Variants in TRPC5 observed in about 807,000 individuals in gnomAD.
TRPC5 encodes the protein short transient receptor potential channel 5.
TRPC5 carries 9 observed loss-of-function variants against 56.5 expected under a neutral mutation model. The observed-to-expected ratio is 0.16, with a 90% CI of 0.10 to 0.28. The LOEUF is 0.28. TRPC5 is among the 10% of genes least tolerant of loss of function. The pLI, the probability that TRPC5 is intolerant of heterozygous loss-of-function variation, is 1.00. For missense variants in TRPC5, 469 were observed against 748.9 expected (o/e 0.63, Z 4.36); for synonymous variants, 282 against 278.5 (o/e 1.01, Z -0.13).
chrX:111,832,854 T>C (rs1174620090), intron 7 of TRPC5, among the ~76,000 whole-genome samples: 1 of 111,102 alleles, frequency 9.0e-6, no homozygotes, highest in African/African-American at 3.3e-5. Context: ...TCGCCCTTCC[T>C]AGAAAATGTC....
chrX:111,870,987 G>A (rs1923738546), intron 3 of TRPC5, among the ~76,000 whole-genome samples: 1 of 111,919 alleles, frequency 8.9e-6, no homozygotes, highest in Admixed American at 9.5e-5. Context: ...CTTGGCTGGA[G>A]GGTTTAATGA....
chrX:111,866,608 G>T (rs1199865596), intron 3 of TRPC5, among the ~76,000 whole-genome samples: 5 of 112,604 alleles, frequency 4.4e-5, no homozygotes, highest in Non-Finnish European at 9.4e-5. Context: ...CAATGGAGGG[G>T]CCCAATGGCT....
intron 3 of TRPC5, among the ~76,000 whole-genome samples, chrX:111,871,469 A>T (rs1015699982): frequency 1.8e-5 from 2 of 111,032 alleles, no homozygotes; most frequent in Non-Finnish European, 3.8e-5. Context: ...CCCTGGCTGG[A>T]TTACCTTGGG....
chrX:111,953,323 T>A (rs1927142860), intron 1 of TRPC5, among the ~76,000 whole-genome samples: 1 of 112,392 alleles, frequency 8.9e-6, no homozygotes, highest in Non-Finnish European at 1.9e-5. Flanking sequence ...TTTAATAGAA[T>A]TAGTTTTAAA....
chrX:111,807,411 C>A (rs1435382113), intron 7 of TRPC5, among the ~76,000 whole-genome samples: 2 of 112,324 alleles, frequency 1.8e-5, no homozygotes, highest in East Asian at 5.6e-4. Flanking sequence ...CTTCCCGATT[C>A]TTTTAAATTA....
Position 111,912,409 on chromosome X carries a change from C to T in TRPC5, c.782G>A (p.Ser261Asn). ...FAKDLLDQARSSRELEIILNH... is the reference protein window; with the variant it reads ...FAKDLLDQARNSRELEIILNH... ...GAGGATGATCTCCAGTTCCCTGGAG[C>T]TCCGAGCTTGGTCCAGCAGGTCTTT... The change falls in exon 3 of 11, where the codon AGC (serine) becomes AAC (asparagine). Residue 261 changes from serine (S) to asparagine (N), a missense_variant. Transcript: ENST00000262839. 13 of 1,211,697 alleles carry T rather than the reference C, an allele frequency of 1.1e-5. No individual in the cohort carries two copies. Among genetic ancestry groups the T allele is most frequent in the Non-Finnish European group, 1.5e-5 (13 of 895,541 alleles).
chrX:111,843,548 C>A (rs1458453496), intron 6 of TRPC5, among the ~76,000 whole-genome samples: 1 of 111,345 alleles, frequency 9.0e-6, no homozygotes, highest in African/African-American at 3.3e-5. Flanking sequence ...GTCTGAAGGG[C>A]TGAGACACTT....
At chrX:111,866,994 A>T (rs1486484313) in intron 3 of TRPC5, among the ~76,000 whole-genome samples, 1 of 112,134 alleles carries the variant, frequency 8.9e-6, no homozygotes, top group Non-Finnish European at 1.9e-5. Flanking sequence ...GGAGAGGGTC[A>T]TCGCAAGAGA....
chrX:111,918,735 G>A (rs1603098189), intron 2 of TRPC5, among the ~76,000 whole-genome samples: 1 of 111,613 alleles, frequency 9.0e-6, no homozygotes, highest in South Asian at 3.8e-4. Context: ...AAAAGACAGA[G>A]TAGGCAAACT....
rs1928473045 is a variant in TRPC5 at position 111,994,786 on chromosome X, G to A, written c.-21-42345C>T. Among the ~76,000 whole-genome samples, 3 of 111,775 alleles carry A rather than the reference G, an allele frequency of 2.7e-5. No homozygotes were observed. The South Asian group carries it at 1.1e-3, about 42-fold the overall frequency. Reference sequence around the variant, plus strand: ...GAGACTTTGCTGAAGTTGCTTATCAGCTTAAGGAGATTTTGGGCTGAGACG... The same window carrying A: ...GAGACTTTGCTGAAGTTGCTTATCAACTTAAGGAGATTTTGGGCTGAGACG... On this transcript the variant is annotated intron_variant, in intron 1 of 10. Transcript: ENST00000262839.
rs150683683 is a variant in TRPC5, at chrX:112,040,096, C to T, written c.-22+41783G>A. On this transcript the variant is annotated intron_variant, in intron 1 of 10. Coordinates refer to ENST00000262839, the MANE Select transcript of TRPC5 (RefSeq NM_012471.3). The stretch of plus-strand genomic sequence containing the variant: ...TGGGCAGAATCTTCTTGTACTCTTA[C>T]ATCTAACAGATGCTCTATTTAAGTA... Among the ~76,000 whole-genome samples, 729 of 112,263 alleles carry T rather than the reference C, an allele frequency of 6.5e-3. 4 individuals are homozygous for T. The highest frequency in any genetic ancestry group is 0.023 in the African/African-American group (702 of 30,953).
chrX:111,886,876 C>T (rs1431940179), intron 3 of TRPC5, among the ~76,000 whole-genome samples: 1 of 112,772 alleles, frequency 8.9e-6, no homozygotes, highest in Admixed American at 9.4e-5. Flanking sequence ...CTATGTTATC[C>T]TGAGGACAAA....
intron 1 of TRPC5, among the ~76,000 whole-genome samples, chrX:111,967,889 A>T (rs1392158870): frequency 9.0e-6 from 1 of 111,602 alleles, no homozygotes; most frequent in African/African-American, 3.3e-5. Flanking sequence ...AACCTAGGCA[A>T]TACCATTCAG....
chrX:111,907,981 T>C (rs1450247336), intron 3 of TRPC5, among the ~76,000 whole-genome samples: 1 of 111,603 alleles, frequency 9.0e-6, no homozygotes, highest in Non-Finnish European at 1.9e-5. Context: ...GTAGCTCACA[T>C]CATTGAGCTA....
intron 1 of TRPC5, among the ~76,000 whole-genome samples, chrX:111,959,669 G>A (rs1415394856): frequency 9.0e-6 from 1 of 111,648 alleles, no homozygotes; most frequent in East Asian, 2.8e-4. Context: ...AGGAGATCCA[G>A]TCAGCATCTG....
intron 1 of TRPC5, among the ~76,000 whole-genome samples, chrX:111,960,804 T>TTTAA (rs1278714461): frequency 9.0e-6 from 1 of 110,802 alleles, no homozygotes; most frequent in Non-Finnish European, 1.9e-5. Flanking sequence ...TATTTTATTA[T>TTTAA]TTAATTAATT....
chrX:111,851,510 G>GGTGT (rs563243659), intron 5 of TRPC5, among the ~76,000 whole-genome samples: 1,902 of 99,033 alleles, frequency 0.019, 39 homozygotes, highest in African/African-American at 0.06. Context: ...GTATTAAGGT[G>GGTGT]GTGTGTGTGT....
At chrX:111,986,288 C>T (rs1486244263) in intron 1 of TRPC5, among the ~76,000 whole-genome samples, 1 of 104,121 alleles carries the variant, frequency 9.6e-6, no homozygotes, top group East Asian at 2.8e-4. Context: ...GAGCCCATAT[C>T]GACAAATTTG....
chrX:111,917,100 A>T (rs1353089901), intron 2 of TRPC5, among the ~76,000 whole-genome samples: 4 of 112,492 alleles, frequency 3.6e-5, no homozygotes, highest in Non-Finnish European at 7.5e-5. Flanking sequence ...ATGCTCATAA[A>T]TGTTTAACAA....
Sources: gnomAD v4.1 joint callset for allele counts (sites outside exome capture counted in the v4.1 genomes callset) on GRCh38, gnomAD v4.1.1 for gene constraint, MANE v1.5 for transcripts, NCBI Gene and HGNC (gene_info 2026-07-23, HGNC 2026-07-21) for gene names.